The following CD2AP variants were observed in gnomAD, a reference collection of about 807,000 sequenced individuals.
CD2AP encodes the protein CD2 associated protein, also known as CD2-associated protein.
CD2AP carries 46 observed loss-of-function variants against 85.1 expected under a neutral mutation model. The ratio of observed to expected loss-of-function variants is 0.54; its 90% CI spans 0.43 to 0.69. CD2AP has a LOEUF of 0.69. Ranked by LOEUF, CD2AP falls within the 30% of genes least tolerant of loss-of-function variation. The pLI is 0.00. For synonymous variants in CD2AP, 255 were observed against 252.9 expected, an observed-to-expected ratio of 1.01 and a Z score of -0.08; for missense variants, 769 against 729.5, an observed-to-expected ratio of 1.05 and a Z score of -0.62.
intron 11 of CD2AP, among the ~76,000 whole-genome samples, chr6:47,593,514 T>C (rs1768856925): frequency 6.6e-6 from 1 of 152,156 alleles, no homozygotes; most frequent in Non-Finnish European, 1.5e-5. Context: ...AAAAGATGTT[T>C]AACATCATTA....
At chr6:47,485,348 C>T (rs573022895) in intron 1 of CD2AP, among the ~76,000 whole-genome samples, 1 of 151,710 alleles carries the variant, frequency 6.6e-6, no homozygotes, top group African/African-American at 2.4e-5. Context: ...CTTTGCAGGC[C>T]TAGGCTAATG....
chr6:47,517,246 G>T (rs1390219854), intron 2 of CD2AP, among the ~76,000 whole-genome samples: 1 of 151,678 alleles, frequency 6.6e-6, no homozygotes, highest in African/African-American at 2.4e-5. Context: ...CTGGAGCCAT[G>T]CTTGTATAGC....
At chr6:47,573,704 T>A (rs1768219552) in intron 5 of CD2AP, among the ~76,000 whole-genome samples, 1 of 152,032 alleles carries the variant, frequency 6.6e-6, no homozygotes, top group Non-Finnish European at 1.5e-5. Context: ...TTAGCCAGAA[T>A]GGTCTCGATC....
intron 2 of CD2AP, among the ~76,000 whole-genome samples, chr6:47,506,885 A>G (rs1278314276): frequency 6.6e-6 from 1 of 152,090 alleles, no homozygotes; most frequent in African/African-American, 2.4e-5. Context: ...TGAGACAACA[A>G]TGAAGTTTGC....
At chr6:47,497,785 C>T (rs975932916) in intron 1 of CD2AP, among the ~76,000 whole-genome samples, 3 of 152,102 alleles carry the variant, frequency 2.0e-5, no homozygotes, top group Admixed American at 6.6e-5. Flanking sequence ...AGTTTTTTGT[C>T]CTTAACTGAC....
intron 3 of CD2AP, among the ~76,000 whole-genome samples, chr6:47,537,245 T>G (rs889847569): frequency 6.6e-6 from 1 of 152,194 alleles, no homozygotes; most frequent in African/African-American, 2.4e-5. Flanking sequence ...AAGAAAATAG[T>G]AACATTCTGA....
Position 47,544,726 on chromosome 6 carries a change from C to T in CD2AP, c.420+20C>T, listed in dbSNP as rs1177921639. On this transcript the variant is annotated intron_variant, in intron 4 of 17. Transcript: ENST00000359314. ...GAAGAGGTAAGGAAAAAATGTGTTA[C>T]AGGTAAAACAGTAATGGTAATTGAT... 1 of 1,335,674 alleles carries T rather than the reference C, an allele frequency of 7.5e-7. No homozygotes were observed. The highest frequency in any genetic ancestry group is 1.1e-6 in the Non-Finnish European group (1 of 926,648). The allele number at this position is 1,335,674 out of a possible 1,614,324, so 82.7% of individuals were successfully genotyped here.
At chr6:47,566,323 T>TATATATACATATATATATATATACACAC in intron 5 of CD2AP, among the ~76,000 whole-genome samples, 14 of 108,450 alleles carry the variant, frequency 1.3e-4, no homozygotes, top group African/African-American at 4.1e-4. Context: ...TATATATATA[T>TATATATACATATATATATATATACACAC]ACACATACAC....
intron 5 of CD2AP, among the ~76,000 whole-genome samples, chr6:47,557,510 T>C (rs1172704222): frequency 2.6e-5 from 4 of 152,196 alleles, no homozygotes; most frequent in Admixed American, 6.5e-5. Flanking sequence ...GTATAAGGTA[T>C]AAGGAAGGGG....
intron 2 of CD2AP, among the ~76,000 whole-genome samples, chr6:47,517,284 CTTTTT>C (rs746217015): frequency 7.1e-6 from 1 of 141,470 alleles, no homozygotes. Flanking sequence ...AATTAAACTT[CTTTTT>C]TTTTTTTTTT....
At chr6:47,578,501 A>ACTGTGTGC (rs1464899973) in intron 8 of CD2AP, among the ~76,000 whole-genome samples, 16 of 152,188 alleles carry the variant, frequency 1.1e-4, no homozygotes, top group Middle Eastern at 3.2e-3. Flanking sequence ...AGCATGAACC[A>ACTGTGTGC]CTGTGCCTGG....
At position 47,616,400 on chromosome 6, in the gene CD2AP, A is replaced by T. The variant is rs141714272; in HGVS notation, c.1878+3864A>T. Reference sequence around the variant, plus strand: ...TGAGCCACTGCACCTGGCCTTAAAGATGTTTTTAACAGAAGCAACCAATCT... The same window carrying T: ...TGAGCCACTGCACCTGGCCTTAAAGTTGTTTTTAACAGAAGCAACCAATCT... On this transcript the variant is annotated intron_variant, in intron 17 of 17. Transcript: ENST00000359314. 5.5e-4 allele frequency among the ~76,000 whole-genome samples: 84 copies of T among 152,206 alleles called. No homozygotes were observed. The East Asian group carries it at 0.015, about 27-fold the overall frequency.
chr6:47,609,423 TC>T, intron 16 of CD2AP, 119 bp downstream of exon 16: 1 of 787,484 alleles, frequency 1.3e-6, no homozygotes, highest in Non-Finnish European at 2.1e-6. Context: ...GCGCCTGTAA[TC>T]CCAGCACTTT....
chr6:47,478,207 G>A lies in CD2AP; in HGVS notation c.-38G>A, dbSNP rs1227280721. On this transcript the variant is annotated 5_prime_UTR_variant, in exon 1 of 18. Transcript: ENST00000359314. ...AGCCACCACTGGAGGAGGAGGAGGA[G>A]GAGCGGACGTCGGCTTCTCCCCGCG... 6.4e-7 allele frequency: 1 copy of A among 1,564,138 alleles called. No individual in the cohort carries two copies.
chr6:47,593,984 A>G (rs1412339366), intron 11 of CD2AP, among the ~76,000 whole-genome samples: 1 of 152,090 alleles, frequency 6.6e-6, no homozygotes, highest in African/African-American at 2.4e-5. Flanking sequence ...ATACTGCTAT[A>G]TGTTATGAAG....
intron 9 of CD2AP, 121 bp from the exon 10 acceptor site, chr6:47,580,742 TG>T (rs1768454838): frequency 2.9e-6 from 2 of 700,754 alleles, no homozygotes; most frequent in Non-Finnish European, 2.5e-6. Context: ...TTTTATATTT[TG>T]TCAAGGATTG....
In CD2AP at chr6:47,625,172, T is replaced by TAAGATAAAAA. The variant is rs1769878569; in HGVS notation, c.*945_*946insAAGATAAAAA. 1.3e-5 allele frequency: 2 copies of TAAGATAAAAA among 151,888 alleles called. No homozygotes were observed. Among genetic ancestry groups the TAAGATAAAAA allele is most frequent in the African/African-American group, 4.8e-5 (2 of 41,440 alleles). The allele number at this position is 151,888 out of a possible 1,614,324, so 9.4% of individuals were successfully genotyped here. A position where few individuals can be genotyped will look rare whatever the true frequency, so the allele number is the denominator to read the frequency against. On this transcript the variant is annotated 3_prime_UTR_variant, in exon 18 of 18. Transcript: ENST00000359314. Reference sequence around the variant, plus strand: ...ATCTTGTCACTTAGTTCTTCATGTTTCTCCTTCTGACTTTTAATAATGGTA... The same window carrying TAAGATAAAAA: ...ATCTTGTCACTTAGTTCTTCATGTTTAAGATAAAAACTCCTTCTGACTTTTAATAATGGTA...
chr6:47,515,118 A>G (rs182057981), intron 2 of CD2AP, among the ~76,000 whole-genome samples: 53 of 152,194 alleles, frequency 3.5e-4, no homozygotes, highest in Non-Finnish European at 6.3e-4. Context: ...TACTGAGTGC[A>G]TTGTAGGTCT....
chr6:47,547,832 C>T (rs144929508), intron 4 of CD2AP, among the ~76,000 whole-genome samples: 1 of 152,160 alleles, frequency 6.6e-6, no homozygotes, highest in East Asian at 1.9e-4. Context: ...CACTCTCTCA[C>T]ACCACAGCGA....
Sources: allele counts gnomAD v4.1 joint callset (sites outside exome capture counted in the v4.1 genomes callset), GRCh38; gene constraint gnomAD v4.1.1; transcripts MANE v1.5; gene names NCBI Gene and HGNC (gene_info 2026-07-23, HGNC 2026-07-21).